The following ABCB11 variants were observed in gnomAD, a reference collection of about 807,000 sequenced individuals.
ABCB11 encodes bile salt export pump.
In ABCB11, 95 loss-of-function variants were observed where a neutral mutation model predicts 148.0. The ratio of observed to expected loss-of-function variants is 0.64; its 90% CI spans 0.54 to 0.76. The LOEUF (loss-of-function observed/expected upper bound fraction) is 0.76. Ranked by LOEUF, ABCB11 falls within the 30% of genes least tolerant of loss-of-function variation. ABCB11 has a pLI of 0.00. For synonymous variants in ABCB11, 591 were observed against 555.4 expected (o/e 1.06, Z -0.90); for missense variants, 1,523 against 1,617.8 (o/e 0.94, Z 1.01).
chr2:168,943,735 T>A (rs891177740), intron 21 of ABCB11, among the ~76,000 whole-genome samples: 3 of 146,750 alleles, frequency 2.0e-5, no homozygotes, highest in Non-Finnish European at 4.5e-5. Context: ...ATTTTTGGTA[T>A]TTTTGGTTAA....
At chr2:168,958,241 C>T in intron 18 of ABCB11, 113 bp from the exon 19 acceptor site, 2 of 965,676 alleles carry the variant, frequency 2.1e-6, no homozygotes, top group Non-Finnish European at 3.2e-6. Context: ...TATGAGTGAC[C>T]TCAAATGTCT....
At chr2:169,016,836 A>C (rs752824209) in intron 2 of ABCB11, 37 bp from the exon 3 acceptor site, 50 of 1,523,788 alleles carry the variant, frequency 3.3e-5, no homozygotes, top group Non-Finnish European at 4.4e-5. Flanking sequence ...AAAGCAGTTA[A>C]TAATAATGAC....
intron 19 of ABCB11, among the ~76,000 whole-genome samples, chr2:168,947,723 C>T (rs1319476058): frequency 1.3e-5 from 2 of 151,700 alleles, no homozygotes; most frequent in Non-Finnish European, 2.9e-5. Context: ...GTGGTTTGTT[C>T]GGCATCATTC....
intron 26 of ABCB11, 35 bp downstream of exon 26, chr2:168,927,121 T>A: frequency 6.5e-7 from 1 of 1,546,274 alleles, no homozygotes; most frequent in South Asian, 1.1e-5. Flanking sequence ...CCCATCCTTG[T>A]CTCTCATAGG....
rs1350307145 is a variant in ABCB11, at chr2:168,922,971, A to T, written c.*651T>A. On this transcript the variant is annotated 3_prime_UTR_variant, in exon 28 of 28. Coordinates refer to ENST00000650372, the MANE Select transcript of ABCB11 (RefSeq NM_003742.4). Reference sequence around the variant, plus strand: ...CCACCCCTACACTCACTCTGAAGTTAAAGCATAAATCAACAGCCCTAACTG... The same window carrying T: ...CCACCCCTACACTCACTCTGAAGTTTAAGCATAAATCAACAGCCCTAACTG... 6.5e-6 allele frequency: 1 copy of T among 153,366 alleles called. No individual in the cohort carries two copies. Among genetic ancestry groups the T allele is most frequent in the East Asian group, 1.9e-4 (1 of 5,196 alleles). The allele number at this position is 153,366 out of a possible 1,614,324, so 9.5% of individuals were successfully genotyped here.
downstream of ABCB11, among the ~76,000 whole-genome samples, chr2:168,920,411 G>T (rs961008709): frequency 4.6e-5 from 7 of 151,804 alleles, no homozygotes; most frequent in Non-Finnish European, 8.8e-5. Flanking sequence ...TCTTGAACTA[G>T]ACTATTGACT....
intron 2 of ABCB11, among the ~76,000 whole-genome samples, chr2:169,017,013 C>T (rs1057092901): frequency 1.7e-4 from 26 of 149,636 alleles, no homozygotes; most frequent in African/African-American, 6.4e-4. Context: ...CACACACACA[C>T]ACACACACAC....
intron 13 of ABCB11, among the ~76,000 whole-genome samples, chr2:168,972,252 G>A (rs1693615383): frequency 6.6e-6 from 1 of 152,012 alleles, no homozygotes. Flanking sequence ...ACAATTCATT[G>A]TGGAAACATA....
At chr2:168,990,514 T>C (rs1455657690) in intron 9 of ABCB11, among the ~76,000 whole-genome samples, 1 of 152,134 alleles carries the variant, frequency 6.6e-6, no homozygotes, top group Non-Finnish European at 1.5e-5. Context: ...TGAGGTATAA[T>C]ATTTATACAT....
chr2:168,924,745 C>A lies in ABCB11; in HGVS notation c.3677G>T (p.Arg1226Leu), dbSNP rs778992761. The A allele has an allele frequency of 2.9e-5, 46 of 1,613,414 alleles. No individual in the cohort carries two copies. Among genetic ancestry groups the A allele is most frequent in the Non-Finnish European group, 3.8e-5 (45 of 1,179,712 alleles). The change falls in exon 27 of 28, where the codon CGC becomes CTC. Residue 1226 changes from arginine (R) to leucine (L), a missense_variant. By Grantham distance (102) the Arg-to-Leu change is moderately radical (BLOSUM62 -2). Transcript: ENST00000650372. ...TACAATGGCCCGAGCAATAGCAATG[C>A]GTTGTTTCTCCCCTCTAGAGAGTTG... The part of the protein sequence containing the change: ...GSQLSRGEKQ[R>L]IAIARAIVRD...
At chr2:168,920,544 CT>C (rs985875035), downstream of ABCB11, among the ~76,000 whole-genome samples, 2 of 94,598 alleles carry the variant, frequency 2.1e-5, no homozygotes, top group Non-Finnish European at 4.7e-5. Flanking sequence ...TCCAATCCTT[CT>C]ATTTTTTTTT....
intron 18 of ABCB11, among the ~76,000 whole-genome samples, chr2:168,962,735 T>C (rs898540334): frequency 1.3e-5 from 2 of 151,742 alleles, no homozygotes; most frequent in Non-Finnish European, 2.9e-5. Context: ...TGCTCTTATA[T>C]AATACATCTT....
At chr2:168,943,932 A>C (rs1208358025) in intron 21 of ABCB11, among the ~76,000 whole-genome samples, 3 of 151,928 alleles carry the variant, frequency 2.0e-5, no homozygotes, top group Admixed American at 6.6e-5. Context: ...GGGTTTTTTA[A>C]AAAATTTTCA....
At chr2:168,940,533 G>A (rs1291606234) in intron 21 of ABCB11, among the ~76,000 whole-genome samples, 3 of 152,006 alleles carry the variant, frequency 2.0e-5, no homozygotes, top group Admixed American at 2.0e-4. Flanking sequence ...TGCTTTATGA[G>A]GTTTAAGGAA....
At chr2:168,969,164 GT>G (rs1472987705) in intron 16 of ABCB11, among the ~76,000 whole-genome samples, 185 bp downstream of exon 16, 1 of 151,090 alleles carries the variant, frequency 6.6e-6, no homozygotes, top group African/African-American at 2.4e-5. Flanking sequence ...AGAAGCCTTG[GT>G]TTTAGTGCTG....
At chr2:169,000,984 T>C (rs1198307856) in intron 5 of ABCB11, among the ~76,000 whole-genome samples, 4 of 152,152 alleles carry the variant, frequency 2.6e-5, no homozygotes, top group South Asian at 4.1e-4. Context: ...AGTGTCTCTC[T>C]TTGTATAGCT....
chr2:168,974,514 C>T (rs766791324), intron 12 of ABCB11, among the ~76,000 whole-genome samples: 8 of 151,918 alleles, frequency 5.3e-5, no homozygotes, highest in South Asian at 2.1e-4. Flanking sequence ...CAAAACCTCA[C>T]GCCTTTCATT....
At chr2:168,985,626 A>G (rs888935830) in intron 10 of ABCB11, among the ~76,000 whole-genome samples, 1 of 152,138 alleles carries the variant, frequency 6.6e-6, no homozygotes, top group Non-Finnish European at 1.5e-5. Flanking sequence ...AAAGGAATGA[A>G]TTAATGGCAT....
Position 168,930,656 on chromosome 2 carries a change from G to A in ABCB11, c.3411+9C>T, listed in dbSNP as rs201287126. On this transcript the variant is annotated intron_variant, in intron 25 of 27. Coordinates refer to ENST00000650372, the MANE Select transcript of ABCB11 (RefSeq NM_003742.4). ...AAGGCAAAATTCTCAAAAAGGTTGC[G>A]TGGCTTACCACCTTCCCTTGATCAG... The A allele has an allele frequency of 1.8e-4, 269 of 1,484,872 alleles. No individual in the cohort carries two copies. Among genetic ancestry groups the A allele is most frequent in the South Asian group, 2.5e-4 (17 of 67,584 alleles). The allele number at this position is 1,484,872 out of a possible 1,614,324, so 92.0% of individuals were successfully genotyped here.
Sources: allele counts gnomAD v4.1 joint callset (sites outside exome capture counted in the v4.1 genomes callset), GRCh38; gene constraint gnomAD v4.1.1; transcripts MANE v1.5; gene names NCBI Gene and HGNC (gene_info 2026-07-23, HGNC 2026-07-21).